Variants in DOCK3 observed in about 807,000 individuals in gnomAD.
DOCK3 encodes the protein dedicator of cytokinesis protein 3.
A neutral mutation model predicts 265.6 loss-of-function variants in DOCK3; 60 were observed. The ratio of observed to expected loss-of-function variants is 0.23; its 90% confidence interval spans 0.18 to 0.28. DOCK3 has a LOEUF of 0.28. Ranked by LOEUF, DOCK3 falls within the 10% of genes least tolerant of loss-of-function variation. The probability of loss-of-function intolerance (pLI) is 1.00; values close to 1 mark genes in which losing one functional copy is unlikely to be tolerated. For missense variants in DOCK3, 1,981 were observed against 2,594.3 expected, an observed-to-expected ratio of 0.76 and a Z score of 5.14; for synonymous variants, 881 against 938.0, an observed-to-expected ratio of 0.94 and a Z score of 1.11.
chr3:50,694,958 T>C (rs1019139602), intron 1 of DOCK3, among the ~76,000 whole-genome samples: 1 of 152,258 alleles, frequency 6.6e-6, no homozygotes, highest in Non-Finnish European at 1.5e-5. Flanking sequence ...CTTTTTCCCT[T>C]TGGGGCAGGC....
chr3:51,188,589 T>C (rs745556299), intron 12 of DOCK3, among the ~76,000 whole-genome samples: 20 of 152,318 alleles, frequency 1.3e-4, no homozygotes, highest in Non-Finnish European at 2.8e-4. Flanking sequence ...GCTTCCTCCC[T>C]GCTACTCACT....
intron 3 of DOCK3, among the ~76,000 whole-genome samples, chr3:50,856,831 C>T (rs1295344366): frequency 6.6e-6 from 1 of 151,964 alleles, no homozygotes; most frequent in African/African-American, 2.4e-5. Flanking sequence ...TCATCTATGG[C>T]TCTTATTATT....
At chr3:51,295,357 T>A (rs2082023370) in intron 27 of DOCK3, among the ~76,000 whole-genome samples, 1 of 152,196 alleles carries the variant, frequency 6.6e-6, no homozygotes, top group South Asian at 2.1e-4. Flanking sequence ...CAACCAGCTG[T>A]CATGGGAACT....
At chr3:51,331,556 TAAA>T (rs201481347) in intron 33 of DOCK3, among the ~76,000 whole-genome samples, 1 of 131,302 alleles carries the variant, frequency 7.6e-6, no homozygotes. Context: ...GTAGGTATGC[TAAA>T]AAAAAAAAAA....
At chr3:51,274,883 A>G (rs1576621609) in intron 24 of DOCK3, among the ~76,000 whole-genome samples, 196 bp from the exon 25 acceptor site, 1 of 152,208 alleles carries the variant, frequency 6.6e-6, no homozygotes, top group Admixed American at 6.5e-5. Flanking sequence ...AGATGGAAGA[A>G]TAATGTCATG....
Position 51,307,878 on chromosome 3 carries a change from G to GTTTTTTTTTTTTTTTTTT in DOCK3, c.2923-2354_2923-2353insTTTTTTTTTTTTTTTTTT, listed in dbSNP as rs1197872774. Among the ~76,000 whole-genome samples, 6 of 42,022 alleles carry GTTTTTTTTTTTTTTTTTT rather than the reference G, an allele frequency of 1.4e-4. 2 individuals are homozygous for GTTTTTTTTTTTTTTTTTT. Among genetic ancestry groups the GTTTTTTTTTTTTTTTTTT allele is most frequent in the Admixed American group, 1.7e-4 (1 of 5,788 alleles). 27.6% of individuals were successfully genotyped at this position (42,022 alleles called of 152,430 possible). ...TGCAGCTGGGATGTTAAATTATATGGGTTTTTTTTTTTGTTTTTTTTTTCT... is the reference window on the plus strand; with the variant it reads ...TGCAGCTGGGATGTTAAATTATATGGTTTTTTTTTTTTTTTTTTGTTTTTTTTTTTGTTTTTTTTTTCT... On this transcript the variant is annotated intron_variant, in intron 27 of 52. Coordinates refer to ENST00000266037, the MANE Select transcript of DOCK3 (RefSeq NM_004947.5).
chr3:51,320,658 G>T (rs1268475369), intron 32 of DOCK3, among the ~76,000 whole-genome samples: 2 of 152,192 alleles, frequency 1.3e-5, no homozygotes. Flanking sequence ...TTCTGCCATT[G>T]CTGAGGCTTG....
At chr3:51,135,521 G>A (rs1209991646) in intron 9 of DOCK3, among the ~76,000 whole-genome samples, 1 of 152,100 alleles carries the variant, frequency 6.6e-6, no homozygotes, top group Non-Finnish European at 1.5e-5. Context: ...TAGATTCCTG[G>A]ACTGTCTCCG....
intron 2 of DOCK3, among the ~76,000 whole-genome samples, chr3:50,785,965 T>A (rs907091560): frequency 1.5e-4 from 23 of 151,984 alleles, no homozygotes; most frequent in Non-Finnish European, 2.4e-4. Context: ...TTTTTTTTTT[T>A]AATTACCATT....
chr3:51,116,419 C>G (rs1266245453), intron 9 of DOCK3, among the ~76,000 whole-genome samples: 6 of 136,454 alleles, frequency 4.4e-5, no homozygotes, highest in Non-Finnish European at 6.0e-5. Context: ...CCACTGTACT[C>G]CAGCCTGGGC....
intron 9 of DOCK3, among the ~76,000 whole-genome samples, chr3:51,109,361 C>T (rs542743506): frequency 8.5e-5 from 13 of 152,142 alleles, no homozygotes; most frequent in African/African-American, 3.1e-4. Context: ...ATCTCTGGAA[C>T]ACAGCTAAGA....
chr3:51,280,211 A>C lies in DOCK3; in HGVS notation c.2922+7A>C, dbSNP rs1450358978. The stretch of plus-strand genomic sequence containing the variant: ...GAGCAAAGATGAACTCAAGGTAGGC[A>C]GTAGAACACCTTTCCTCTGGGAGAG... On this transcript the variant is annotated splice_region_variant and intron_variant, in intron 27 of 52. Coordinates refer to ENST00000266037, the MANE Select transcript of DOCK3 (RefSeq NM_004947.5). The C allele has an allele frequency of 6.2e-7, 1 of 1,612,074 alleles. No homozygotes were observed.
At chr3:50,970,943 A>G (rs2077206592) in intron 5 of DOCK3, among the ~76,000 whole-genome samples, 36 of 70,922 alleles carry the variant, frequency 5.1e-4, no homozygotes, top group African/African-American at 2.3e-3. Context: ...ATATATATAT[A>G]TATAATGTGT....
intron 4 of DOCK3, among the ~76,000 whole-genome samples, chr3:50,932,867 A>G (rs1411212838): frequency 6.6e-6 from 1 of 152,198 alleles, no homozygotes; most frequent in Non-Finnish European, 1.5e-5. Context: ...TTGTACTTGT[A>G]TTAGTCTGTT....
At chr3:50,887,187 A>G (rs1575450783) in intron 3 of DOCK3, among the ~76,000 whole-genome samples, 1 of 152,130 alleles carries the variant, frequency 6.6e-6, no homozygotes, top group African/African-American at 2.4e-5. Flanking sequence ...GGATATCACC[A>G]CCGATCCCAC....
intron 5 of DOCK3, among the ~76,000 whole-genome samples, chr3:51,023,805 C>T (rs2079698487): frequency 6.6e-6 from 1 of 151,892 alleles, no homozygotes; most frequent in Admixed American, 6.6e-5. Context: ...TGTTGGTTTT[C>T]ACCTTTCTCT....
At chr3:50,721,012 G>T (rs1191668602) in intron 1 of DOCK3, among the ~76,000 whole-genome samples, 1 of 151,410 alleles carries the variant, frequency 6.6e-6, no homozygotes, top group African/African-American at 2.4e-5. Flanking sequence ...CTTTTGAAAA[G>T]TGTTCATGTT....
intron 6 of DOCK3, among the ~76,000 whole-genome samples, chr3:51,069,616 C>A (rs1054603076): frequency 6.6e-6 from 1 of 150,988 alleles, no homozygotes; most frequent in African/African-American, 2.4e-5. Context: ...ATTTCTGGTT[C>A]TTTTATTCTT....
chr3:50,795,808 A>G (rs1472600509), intron 2 of DOCK3, among the ~76,000 whole-genome samples: 1 of 152,116 alleles, frequency 6.6e-6, no homozygotes, highest in Non-Finnish European at 1.5e-5. Flanking sequence ...TGCATTATCA[A>G]ATTCTTGTAG....
Sources: gnomAD v4.1 joint callset for allele counts (sites outside exome capture counted in the v4.1 genomes callset) on GRCh38, gnomAD v4.1.1 for gene constraint, MANE v1.5 for transcripts, NCBI Gene and HGNC (gene_info 2026-07-23, HGNC 2026-07-21) for gene names.